The following ELF4 variants were observed in gnomAD, a reference collection of about 807,000 sequenced individuals.
ELF4 encodes the protein E74 like ETS transcription factor 4, also known as ETS-related transcription factor Elf-4.
ELF4 carries 10 observed loss-of-function variants against 31.7 expected under a neutral mutation model. The ratio of observed to expected loss-of-function variants is 0.32; its 90% CI spans 0.19 to 0.54. ELF4 has a LOEUF of 0.54. ELF4 is among the 20% of genes least tolerant of loss of function. ELF4 has a pLI of 0.95. For synonymous variants in ELF4, 208 were observed against 226.7 expected, an observed-to-expected ratio of 0.92 and a Z score of 0.74; for missense variants, 418 against 522.0, an observed-to-expected ratio of 0.80 and a Z score of 1.94.
chrX:130,098,553 A>G (rs1261717700), intron 1 of ELF4, among the ~76,000 whole-genome samples: 1 of 111,880 alleles, frequency 8.9e-6, no homozygotes, highest in Non-Finnish European at 1.9e-5. Flanking sequence ...TGGCCAATCC[A>G]TACCCAGGCT....
chrX:130,088,488 G>A (rs1454101605), intron 1 of ELF4, among the ~76,000 whole-genome samples: 1 of 111,558 alleles, frequency 9.0e-6, no homozygotes, highest in East Asian at 2.8e-4. Flanking sequence ...AAGGAGGGTG[G>A]ATCACCTGAG....
intron 1 of ELF4, among the ~76,000 whole-genome samples, chrX:130,103,057 T>TAAAGACTAATATTATAAAAA (rs1396538961): frequency 9.0e-6 from 1 of 110,975 alleles, no homozygotes; most frequent in Non-Finnish European, 1.9e-5. Flanking sequence ...GACTAAAATG[T>TAAAGACTAATATTATAAAAA]AAAGACTAAT....
At chrX:130,088,779 CTA>C (rs907930084) in intron 1 of ELF4, among the ~76,000 whole-genome samples, 2 of 112,119 alleles carry the variant, frequency 1.8e-5, no homozygotes, top group Non-Finnish European at 3.8e-5. Flanking sequence ...CTGGGATAAT[CTA>C]TGTTGGTACC....
chrX:130,097,723 C>A (rs1933176135), intron 1 of ELF4, among the ~76,000 whole-genome samples: 1 of 112,683 alleles, frequency 8.9e-6, no homozygotes, highest in African/African-American at 3.2e-5. Context: ...TAATAGAGAC[C>A]CATTGATCAT....
Position 130,103,948 on chromosome X carries a change from G to A in ELF4, c.-210+6377C>T, listed in dbSNP as rs753859885. Among the ~76,000 whole-genome samples the A allele has an allele frequency of 2.7e-5, 3 of 112,294 alleles. No individual in the cohort carries two copies. In the East Asian group the frequency reaches 8.4e-4, roughly 32 times the overall value. On this transcript the variant is annotated intron_variant, in intron 1 of 8. Transcript: ENST00000308167. Reference sequence around the variant, plus strand: ...CCCCTGGGAGCTCTTCTGGGCAAAGGCAGTGCCCCAGCCTCAACTCAAGGC... The same window carrying A: ...CCCCTGGGAGCTCTTCTGGGCAAAGACAGTGCCCCAGCCTCAACTCAAGGC...
rs1156852713 is a variant in ELF4, at chrX:130,064,062, G to A, written c.*2659C>T. Among the ~76,000 whole-genome samples, 2 of 107,904 alleles carry A rather than the reference G, an allele frequency of 1.9e-5. No individual in the cohort carries two copies. Among genetic ancestry groups the A allele is most frequent in the South Asian group, 8.1e-4 (2 of 2,455 alleles). 93.7% of individuals were successfully genotyped at this position (107,904 alleles called of 115,157 possible). On this transcript the variant is annotated 3_prime_UTR_variant, in exon 9 of 9. Coordinates refer to ENST00000308167, the MANE Select transcript of ELF4 (RefSeq NM_001421.4). ...CAGAACGTGCAGGTTTGTTACATAGGTATACATGTGCCATGGTGGTTTGCT... is the reference window on the plus strand; with the variant it reads ...CAGAACGTGCAGGTTTGTTACATAGATATACATGTGCCATGGTGGTTTGCT...
intron 2 of ELF4, among the ~76,000 whole-genome samples, chrX:130,079,998 G>A (rs1932872048): frequency 8.9e-6 from 1 of 112,072 alleles, no homozygotes; most frequent in African/African-American, 3.2e-5. Context: ...GCTTTGGTAG[G>A]CAGCTAGAGA....
intron 1 of ELF4, among the ~76,000 whole-genome samples, chrX:130,084,651 G>A (rs1224750651): frequency 1.8e-5 from 2 of 111,702 alleles, no homozygotes; most frequent in African/African-American, 3.3e-5. Context: ...TCTTGAAGGG[G>A]TGGAGGGGGA....
chrX:130,103,595 G>A (rs1416401633), intron 1 of ELF4, among the ~76,000 whole-genome samples: 5 of 112,249 alleles, frequency 4.5e-5, no homozygotes, highest in Admixed American at 9.4e-5. Flanking sequence ...AGCTGAACTA[G>A]CCTCTGTTAT....
chrX:130,067,569 C>T, intron 8 of ELF4, 44 bp from the exon 9 acceptor site: 1 of 1,160,597 alleles, frequency 8.6e-7, no homozygotes, highest in Non-Finnish European at 1.2e-6. Flanking sequence ...CAGGAAGTGT[C>T]CCTCAGCTGG....
chrX:130,074,253 T>C, intron 3 of ELF4, 112 bp from the exon 4 acceptor site: 1 of 850,478 alleles, frequency 1.2e-6, no homozygotes, highest in African/African-American at 2.0e-5. Flanking sequence ...GTAAGCATCC[T>C]TCGGGCTGAC....
chrX:130,081,177 CCCTGGCTGTCTG>C (rs911589076), intron 2 of ELF4, 67 bp downstream of exon 2: 45 of 1,096,659 alleles, frequency 4.1e-5, no homozygotes, highest in Middle Eastern at 3.2e-4. Context: ...CCAGCTGGCT[CCCTGGCTGTCTG>C]CCTGGCTGTC....
chrX:130,073,278 G>A (rs1489806599), intron 4 of ELF4, among the ~76,000 whole-genome samples: 2 of 110,527 alleles, frequency 1.8e-5, no homozygotes, highest in Non-Finnish European at 3.8e-5. Flanking sequence ...TAGTAGAGAC[G>A]AGGTTTTGCC....
In ELF4 at chrX:130,096,367, A is replaced by G. The variant is rs1157555054; in HGVS notation, c.-210+13958T>C. On this transcript the variant is annotated intron_variant, in intron 1 of 8. Transcript: ENST00000308167. ...CCGGGCTAATTTTTGTATTTTTATT[A>G]GAGATGGGGTTTCACTATGTTGGCC... Among the ~76,000 whole-genome samples, 5 of 110,494 alleles carry G rather than the reference A, an allele frequency of 4.5e-5. No homozygotes were observed. In the East Asian group the frequency reaches 1.1e-3, roughly 25 times the overall value.
At chrX:130,078,813 C>T (rs1189682541) in intron 2 of ELF4, among the ~76,000 whole-genome samples, 1 of 94,791 alleles carries the variant, frequency 1.1e-5, no homozygotes, top group Non-Finnish European at 2.2e-5. Flanking sequence ...ACACAATTAG[C>T]CAGGCGCAGT....
At chrX:130,096,607 AATAACT>A (rs1261383939) in intron 1 of ELF4, among the ~76,000 whole-genome samples, 2 of 112,222 alleles carry the variant, frequency 1.8e-5, no homozygotes, top group Non-Finnish European at 3.8e-5. Flanking sequence ...AACTATATCT[AATAACT>A]ATATCTAATA....
chrX:130,066,722 T>A lies in ELF4; in HGVS notation c.1991A>T (p.Ter664LeuextTer8). The change falls in exon 9 of 9, where the codon TAA becomes TTA. Residue 664 changes from the stop codon to leucine, a stop_lost. Transcript: ENST00000308167. ...SLIKMEPHDI[*>L] ...TCACACTTGCCCTGACCCCTTTGCT[T>A]ATATGTCATGGGGCTCCATCTTAAT... 1 of 1,210,000 alleles carries A rather than the reference T, an allele frequency of 8.3e-7. No individual in the cohort carries two copies. Among genetic ancestry groups the A allele is most frequent in the Non-Finnish European group, 1.1e-6 (1 of 895,103 alleles).
intron 1 of ELF4, among the ~76,000 whole-genome samples, chrX:130,097,122 T>A (rs1933163194): frequency 3.6e-5 from 3 of 83,476 alleles, no homozygotes; most frequent in Admixed American, 1.4e-4. Context: ...CATGATGAAA[T>A]CCATCTCTAT....
chrX:130,066,852 A>G lies in ELF4; in HGVS notation c.1861T>C (p.Ser621Pro). The G allele has an allele frequency of 8.3e-7, 1 of 1,211,194 alleles. No individual in the cohort carries two copies. Among genetic ancestry groups the G allele is most frequent in the East Asian group, 3.0e-5 (1 of 33,844 alleles). The change falls in exon 9 of 9, where the codon TCA (serine) becomes CCA (proline). Residue 621 changes from serine (S) to proline (P), a missense_variant. By Grantham distance (74) the Ser-to-Pro change is moderately conservative (BLOSUM62 -1). Coordinates refer to ENST00000308167, the MANE Select transcript of ELF4 (RefSeq NM_001421.4). ...PVAELELSSG[S>P]GSLLMAEPSV... The stretch of plus-strand genomic sequence containing the variant: ...GGCTCAGCCATCAGCAGGGACCCTG[A>G]GCCTGAGGAGAGCTCAAGTTCAGCC...
Sources: gnomAD v4.1 joint callset for allele counts (sites outside exome capture counted in the v4.1 genomes callset) on GRCh38, gnomAD v4.1.1 for gene constraint, MANE v1.5 for transcripts, NCBI Gene and HGNC (gene_info 2026-07-23, HGNC 2026-07-21) for gene names.